Variants in ASAP1 observed in about 807,000 individuals in gnomAD.
ASAP1 encodes ArfGAP with SH3 domain, ankyrin repeat and PH domain 1.
In ASAP1, 43 loss-of-function variants were observed where a neutral mutation model predicts 145.2. The observed-to-expected ratio is 0.30, with a 90% CI of 0.23 to 0.38. The LOEUF (loss-of-function observed/expected upper bound fraction) is 0.38. Among genes scored for constraint, ASAP1 ranks in the 10% least tolerant of loss-of-function variants. The pLI is 1.00. For missense variants in ASAP1, 1,018 were observed against 1,355.3 expected (o/e 0.75, Z 3.91); for synonymous variants, 546 against 515.5 (o/e 1.06, Z -0.80).
intron 1 of ASAP1, among the ~76,000 whole-genome samples, chr8:130,426,365 A>G (rs1406629278): frequency 2.0e-5 from 3 of 152,072 alleles, no homozygotes; most frequent in Non-Finnish European, 4.4e-5. Flanking sequence ...ATCCAGTCTC[A>G]AGTAGTTCTT....
chr8:130,352,335 G>A (rs946765360), intron 3 of ASAP1, among the ~76,000 whole-genome samples: 4 of 151,868 alleles, frequency 2.6e-5, no homozygotes, highest in African/African-American at 9.7e-5. Context: ...AAATTTAAGA[G>A]GTAATGCACT....
chr8:130,073,374 G>A (rs545433205), intron 27 of ASAP1, among the ~76,000 whole-genome samples: 1 of 144,268 alleles, frequency 6.9e-6, no homozygotes, highest in East Asian at 2.0e-4. Context: ...TGGGCAACAA[G>A]AGTGAAACTC....
At chr8:130,427,249 T>C (rs1829954766) in intron 1 of ASAP1, among the ~76,000 whole-genome samples, 2 of 152,206 alleles carry the variant, frequency 1.3e-5, no homozygotes, top group African/African-American at 4.8e-5. Flanking sequence ...TTCATGGTTA[T>C]ACCTGCCAGT....
chr8:130,366,493 AT>A (rs1826955718), intron 2 of ASAP1, among the ~76,000 whole-genome samples: 1 of 152,150 alleles, frequency 6.6e-6, no homozygotes, highest in Non-Finnish European at 1.5e-5. Context: ...AGATGAGATC[AT>A]TGCCTCCTGA....
At chr8:130,416,786 G>A (rs1171750056) in intron 1 of ASAP1, among the ~76,000 whole-genome samples, 1 of 152,202 alleles carries the variant, frequency 6.6e-6, no homozygotes, top group Non-Finnish European at 1.5e-5. Context: ...ATGCCACAGT[G>A]GTAAAACAGA....
intron 24 of ASAP1, among the ~76,000 whole-genome samples, chr8:130,102,889 C>T (rs115301374): frequency 0.016 from 2,401 of 152,252 alleles, 37 homozygotes; most frequent in African/African-American, 0.041. Flanking sequence ...CAGGGTCTCA[C>T]CATGTTGCCC....
At chr8:130,188,292 G>A (rs1565068081) in intron 5 of ASAP1, 109 bp from the exon 6 acceptor site, 5 of 825,950 alleles carry the variant, frequency 6.1e-6, no homozygotes, top group Non-Finnish European at 1.0e-5. Context: ...CTCTGTTGAA[G>A]GGCTTTCCAT....
At chr8:130,149,879 A>C (rs986234477) in intron 13 of ASAP1, among the ~76,000 whole-genome samples, 17 of 152,218 alleles carry the variant, frequency 1.1e-4, no homozygotes, top group Non-Finnish European at 2.1e-4. Flanking sequence ...AAAGCCAGTG[A>C]AAAGTGGGGA....
intron 8 of ASAP1, among the ~76,000 whole-genome samples, chr8:130,179,651 G>T (rs1428343676): frequency 6.6e-6 from 1 of 152,148 alleles, no homozygotes; most frequent in African/African-American, 2.4e-5. Context: ...TATAGTTTAT[G>T]TGGTCAAAAA....
intron 4 of ASAP1, among the ~76,000 whole-genome samples, chr8:130,218,355 T>C (rs72722386): frequency 6.6e-6 from 1 of 152,202 alleles, no homozygotes; most frequent in South Asian, 2.1e-4. Context: ...GTGAAAAATA[T>C]AATTAGTTAA....
intron 15 of ASAP1, among the ~76,000 whole-genome samples, chr8:130,131,189 CAAAA>C (rs1299051271): frequency 2.4e-4 from 35 of 148,166 alleles, no homozygotes; most frequent in Non-Finnish European, 3.4e-4. Flanking sequence ...AACAAACAAA[CAAAA>C]AAGCCACTAG....
chr8:130,165,422 C>CT (rs2097678022), intron 11 of ASAP1, among the ~76,000 whole-genome samples: 1 of 152,280 alleles, frequency 6.6e-6, no homozygotes, highest in Non-Finnish European at 1.5e-5. Flanking sequence ...CTACCTGGGT[C>CT]TTTTTAATGC....
chr8:130,302,080 G>T (rs1245839535), intron 3 of ASAP1, among the ~76,000 whole-genome samples: 1 of 152,236 alleles, frequency 6.6e-6, no homozygotes, highest in Non-Finnish European at 1.5e-5. Flanking sequence ...CAGGTAAATA[G>T]ATAATCTGCC....
chr8:130,379,819 C>T (rs1473144657), intron 2 of ASAP1, among the ~76,000 whole-genome samples: 1 of 152,180 alleles, frequency 6.6e-6, no homozygotes, highest in Non-Finnish European at 1.5e-5. Context: ...GCTCTGCCCT[C>T]ACTAACTCAG....
chr8:130,091,899 C>G (rs1473121621), intron 25 of ASAP1, 74 bp downstream of exon 25: 13 of 1,417,676 alleles, frequency 9.2e-6, no homozygotes, highest in Non-Finnish European at 5.6e-6. Flanking sequence ...AATGTGCTAA[C>G]AGGCCACTGC....
At chr8:130,293,196 T>C (rs144586542) in intron 3 of ASAP1, among the ~76,000 whole-genome samples, 1,982 of 152,280 alleles carry the variant, frequency 0.013, 12 homozygotes, top group Non-Finnish European at 0.02. Context: ...AAAATACAGA[T>C]TCTGATTCAG....
chr8:130,077,968 A>T (rs1355535817), intron 26 of ASAP1, among the ~76,000 whole-genome samples: 1 of 151,930 alleles, frequency 6.6e-6, no homozygotes, highest in African/African-American at 2.4e-5. Context: ...TCTAGTTCAC[A>T]ATCAGCTTGA....
intron 2 of ASAP1, among the ~76,000 whole-genome samples, chr8:130,384,793 T>A (rs1228600577): frequency 3.3e-5 from 5 of 152,228 alleles, no homozygotes; most frequent in Non-Finnish European, 7.3e-5. Context: ...CATCCCTCAA[T>A]GACTCCCCAT....
intron 1 of ASAP1, among the ~76,000 whole-genome samples, chr8:130,414,007 T>C (rs867485758): frequency 6.6e-6 from 1 of 152,166 alleles, no homozygotes; most frequent in Non-Finnish European, 1.5e-5. Context: ...GAATCGATGA[T>C]TGCTGGTACC....
Sources: gnomAD v4.1 joint callset for allele counts (sites outside exome capture counted in the v4.1 genomes callset) on GRCh38, gnomAD v4.1.1 for gene constraint, MANE v1.5 for transcripts, NCBI Gene and HGNC (gene_info 2026-07-23, HGNC 2026-07-21) for gene names.